The following OR8G1 variants were observed in gnomAD, a reference collection of about 807,000 sequenced individuals.
The protein encoded by OR8G1 is olfactory receptor 8G1.
For synonymous variants in OR8G1, 129 were observed against 133.3 expected, an observed-to-expected ratio of 0.97 and a Z score of 0.22; for missense variants, 372 against 356.2, an observed-to-expected ratio of 1.04 and a Z score of -0.36.
At chr11:124,247,717 G>A (rs151091955) in intron 1 of OR8G1, 84 bp from the exon 2 acceptor site, 1 of 151,832 alleles carries the variant, frequency 6.6e-6, no homozygotes, top group Admixed American at 6.6e-5. Context: ...GAGGAAGAGA[G>A]AGAGGGAGAG....
rs1184209223 is a variant in OR8G1 at position 124,252,591 on chromosome 11, C to T, written c.*1980C>T. ...CCCTTGCTTCAATGGACTATAAGCT[C>T]GAGTAGAGAATACACACTCAAATAT... is the stretch of plus-strand genomic sequence containing the variant. On this transcript the variant is annotated 3_prime_UTR_variant, in exon 3 of 3. Transcript: ENST00000641972. The T allele has an allele frequency of 2.0e-5, 3 of 152,074 alleles. No homozygotes were observed. The highest frequency in any genetic ancestry group is 4.4e-5 in the Non-Finnish European group (3 of 68,024). The allele number at this position is 152,074 out of a possible 1,614,324, so 9.4% of individuals were successfully genotyped here.
Position 124,241,108 on chromosome 11 carries a change from G to C in OR8G1, c.-353G>C, listed in dbSNP as rs150770346. On this transcript the variant is annotated 5_prime_UTR_variant, in exon 1 of 3. Transcript: ENST00000641972. ...AGGTGAGGATGCTTGCCACCCTGAA[G>C]CTGGAGAAACAAAAACTGCAAAGTC... is the stretch of plus-strand genomic sequence containing the variant. The C allele has an allele frequency of 9.2e-5, 14 of 152,220 alleles. No individual in the cohort carries two copies. Among genetic ancestry groups the C allele is most frequent in the African/African-American group, 3.1e-4 (13 of 41,534 alleles). The allele number at this position is 152,220 out of a possible 1,614,324, so 9.4% of individuals were successfully genotyped here.
At chr11:124,246,651 A>G (rs1861813096) in intron 1 of OR8G1, among the ~76,000 whole-genome samples, 1 of 151,850 alleles carries the variant, frequency 6.6e-6, no homozygotes. Flanking sequence ...AAAAATCTAA[A>G]CAACATAATT....
Position 124,251,881 on chromosome 11 carries a change from T to C in OR8G1, c.*1270T>C, listed in dbSNP as rs1368907852. 1.3e-5 allele frequency: 2 copies of C among 152,908 alleles called. No individual in the cohort carries two copies. The highest frequency in any genetic ancestry group is 2.9e-5 in the Non-Finnish European group (2 of 68,454). 9.5% of individuals were successfully genotyped at this position (152,908 alleles called of 1,614,324 possible). A position where few individuals can be genotyped will look rare whatever the true frequency, so the allele number is the denominator to read the frequency against. On this transcript the variant is annotated 3_prime_UTR_variant, in exon 3 of 3. Coordinates refer to ENST00000641972, the MANE Select transcript of OR8G1 (RefSeq NM_001002905.2). ...ATACTTCAATAAAATTGCTTTAAAA[T>C]GAAAGTGAGGGTGCTACGTGATCAA...
At position 124,241,303 on chromosome 11, in the gene OR8G1, C is replaced by T. The variant is rs1861758199; in HGVS notation, c.-158C>T. 1 of 152,060 alleles carries T rather than the reference C, an allele frequency of 6.6e-6. No individual in the cohort carries two copies. The highest frequency in any genetic ancestry group is 1.5e-5 in the Non-Finnish European group (1 of 68,010). The allele number at this position is 152,060 out of a possible 1,614,324, so 9.4% of individuals were successfully genotyped here. A position where few individuals can be genotyped will look rare whatever the true frequency, so the allele number is the denominator to read the frequency against. ...AGAGAACATTCCAAGCCAACATTCT[C>T]CATGTCAGGAAGAGGAAATTGCAAG... On this transcript the variant is annotated 5_prime_UTR_variant, in exon 1 of 3. Transcript: ENST00000641972.
chr11:124,244,888 G>C (rs1565315193), intron 1 of OR8G1, among the ~76,000 whole-genome samples: 1 of 151,840 alleles, frequency 6.6e-6, no homozygotes, highest in African/African-American at 2.4e-5. Context: ...CTGTTTAGAT[G>C]TTCTGTTCAG....
chr11:124,247,693 A>G (rs1431575126), intron 1 of OR8G1, 108 bp from the exon 2 acceptor site: 3 of 119,150 alleles, frequency 2.5e-5, no homozygotes, highest in African/African-American at 1.0e-4. Context: ...GTGTGTGTGC[A>G]TATAAGACAG....
rs1165998561 is a variant in OR8G1, at chr11:124,253,441, GAACA to G, written c.*2841_*2844del. ...CCCCCAAACTACCACCACCACCAATGAACAAACAAACAAAAACTTTGACAACTTT... is the reference window on the plus strand; with the variant it reads ...CCCCCAAACTACCACCACCACCAATGAACAAACAAAAACTTTGACAACTTT... On this transcript the variant is annotated 3_prime_UTR_variant, in exon 3 of 3. Coordinates refer to ENST00000641972, the MANE Select transcript of OR8G1 (RefSeq NM_001002905.2). 2.4e-4 allele frequency: 37 copies of G among 151,962 alleles called. No homozygotes were observed. The highest frequency in any genetic ancestry group is 8.5e-4 in the African/African-American group (35 of 41,368). The allele number at this position is 151,962 out of a possible 1,614,324, so 9.4% of individuals were successfully genotyped here.
rs145851095 is a variant in OR8G1 at position 124,247,671 on chromosome 11, G to A, written c.-96-130G>A. 6.7e-5 allele frequency: 10 copies of A among 148,798 alleles called. No individual in the cohort carries two copies. In the East Asian group the frequency reaches 1.4e-3, roughly 21 times the overall value. 9.2% of individuals were successfully genotyped at this position (148,798 alleles called of 1,614,324 possible). A position where few individuals can be genotyped will look rare whatever the true frequency, so the allele number is the denominator to read the frequency against. On this transcript the variant is annotated intron_variant, in intron 1 of 2. Coordinates refer to ENST00000641972, the MANE Select transcript of OR8G1 (RefSeq NM_001002905.2). ...TGATATGTTCCTTTTAAAATATAGA[G>A]TAATATTTTATGTGTGTGTGCATAT...
chr11:124,246,997 C>T (rs913835595), intron 1 of OR8G1, among the ~76,000 whole-genome samples: 1 of 151,052 alleles, frequency 6.6e-6, no homozygotes, highest in African/African-American at 2.4e-5. Flanking sequence ...TTTTGTATAC[C>T]AAACCTTGCG....
intron 2 of OR8G1, among the ~76,000 whole-genome samples, chr11:124,249,010 G>GT (rs1489672177): frequency 6.6e-6 from 1 of 152,218 alleles, no homozygotes; most frequent in African/African-American, 2.4e-5. Context: ...GGCACTTTGA[G>GT]TTTAAGGCCT....
Position 124,249,647 on chromosome 11 carries a change from T to C in OR8G1, c.-16-13T>C, listed in dbSNP as rs1045341057. The C allele has an allele frequency of 6.3e-7, 1 of 1,582,178 alleles. No homozygotes were observed. The highest frequency in any genetic ancestry group is 8.6e-7 in the Non-Finnish European group (1 of 1,166,500). ...CATGGGGTTTTTTTGTTTTGTTTTT[T>C]CTCTTCCTGCAGAAACTGACTGGAG... is the stretch of plus-strand genomic sequence containing the variant. On this transcript the variant is annotated splice_polypyrimidine_tract_variant and intron_variant, in intron 2 of 2. Coordinates refer to ENST00000641972, the MANE Select transcript of OR8G1 (RefSeq NM_001002905.2).
intron 1 of OR8G1, among the ~76,000 whole-genome samples, chr11:124,242,252 T>C (rs192816295): frequency 1.3e-5 from 2 of 152,150 alleles, no homozygotes; most frequent in Admixed American, 1.3e-4. Context: ...ATTATCTCAT[T>C]GCCTGCAAAT....
chr11:124,245,003 AT>A (rs1303013136), intron 1 of OR8G1, among the ~76,000 whole-genome samples: 2 of 109,572 alleles, frequency 1.8e-5, no homozygotes, highest in African/African-American at 4.1e-5. Context: ...CTTATTAAGA[AT>A]TTCTTTTTTT....
At chr11:124,242,179 AAT>A (rs1248342602) in intron 1 of OR8G1, among the ~76,000 whole-genome samples, 3 of 151,996 alleles carry the variant, frequency 2.0e-5, no homozygotes, top group African/African-American at 7.2e-5. Flanking sequence ...AAATCTTTCA[AAT>A]GCCACACACA....
chr11:124,243,739 A>G (rs1385210639), intron 1 of OR8G1, among the ~76,000 whole-genome samples: 2 of 152,036 alleles, frequency 1.3e-5, no homozygotes, highest in African/African-American at 4.8e-5. Context: ...TGAGAGTTCT[A>G]TTAAAGCAGG....
At chr11:124,244,812 A>T (rs2137746091) in intron 1 of OR8G1, among the ~76,000 whole-genome samples, 1 of 152,002 alleles carries the variant, frequency 6.6e-6, no homozygotes, top group Non-Finnish European at 1.5e-5. Context: ...CATAAATCTA[A>T]AGAGATTACC....
At chr11:124,242,762 C>A (rs886970377) in intron 1 of OR8G1, among the ~76,000 whole-genome samples, 1 of 151,926 alleles carries the variant, frequency 6.6e-6, no homozygotes, top group African/African-American at 2.4e-5. Flanking sequence ...GTATTCAAAC[C>A]AGATATGTTG....
chr11:124,244,340 A>G (rs1463328123), intron 1 of OR8G1, among the ~76,000 whole-genome samples: 1 of 151,978 alleles, frequency 6.6e-6, no homozygotes, highest in Non-Finnish European at 1.5e-5. Flanking sequence ...ATCAATTTTT[A>G]TGAATACTAT....
Sources: allele counts gnomAD v4.1 joint callset (sites outside exome capture counted in the v4.1 genomes callset), GRCh38; gene constraint gnomAD v4.1.1; transcripts MANE v1.5; gene names NCBI Gene and HGNC (gene_info 2026-07-23, HGNC 2026-07-21).